The following RBFOX1 variants were observed in gnomAD, a reference collection of about 807,000 sequenced individuals.
RBFOX1 encodes RNA binding protein fox-1 homolog 1.
A neutral mutation model predicts 57.7 loss-of-function variants in RBFOX1; 8 were observed. The observed-to-expected ratio is 0.14, with a 90% CI of 0.08 to 0.25. The LOEUF (loss-of-function observed/expected upper bound fraction) is 0.25, where lower values mean the gene tolerates loss of function less well. Ranked by LOEUF, RBFOX1 falls within the 10% of genes least tolerant of loss-of-function variation. The pLI, the probability that RBFOX1 is intolerant of heterozygous loss-of-function variation, is 1.00. For missense variants in RBFOX1, 611 were observed against 548.5 expected (o/e 1.11, Z -1.14); for synonymous variants, 326 against 222.4 (o/e 1.47, Z -4.15).
downstream of RBFOX1, among the ~76,000 whole-genome samples, chr16:5,603,638 C>T (rs1286281712): frequency 6.6e-6 from 1 of 152,106 alleles, no homozygotes; most frequent in Non-Finnish European, 1.5e-5. Context: ...CCACACTTTC[C>T]TTGATTATTA....
chr16:5,789,953 CAGAT>C (rs1459832911), intron 3 of RBFOX1, among the ~76,000 whole-genome samples: 1 of 152,188 alleles, frequency 6.6e-6, no homozygotes, highest in Non-Finnish European at 1.5e-5. Context: ...GCTGCTATAA[CAGAT>C]AGACCTCTAC....
chr16:6,973,753 G>A (rs1317126849), intron 3 of RBFOX1, among the ~76,000 whole-genome samples: 1 of 152,134 alleles, frequency 6.6e-6, no homozygotes, highest in Non-Finnish European at 1.5e-5. Flanking sequence ...ACTGCACTGT[G>A]TTACCCATTA....
chr16:5,769,450 G>T (rs552757545), intron 3 of RBFOX1, among the ~76,000 whole-genome samples: 2 of 150,880 alleles, frequency 1.3e-5, no homozygotes, highest in African/African-American at 4.9e-5. Context: ...AAACCAGCCT[G>T]GCCAACATGA....
chr16:6,377,143 C>A (rs921936977), intron 2 of RBFOX1, among the ~76,000 whole-genome samples: 52 of 151,726 alleles, frequency 3.4e-4, no homozygotes, highest in African/African-American at 1.1e-3. Context: ...AGCACGGTGG[C>A]CTGTGCCTGT....
rs1216783540 is a variant in RBFOX1 at position 7,506,550 on chromosome 16, T to TCATCAC, written c.28-11587_28-11582dup. Among the ~76,000 whole-genome samples, 17 of 152,158 alleles carry TCATCAC rather than the reference T, an allele frequency of 1.1e-4. No homozygotes were observed. The South Asian group carries it at 3.3e-3, about 30-fold the overall frequency. ...TTCTTTTCCTCGTTACCAGACATCG[T>TCATCAC]CATCACCATCACCATTATTACCATC... On this transcript the variant is annotated intron_variant, in intron 4 of 15. Coordinates refer to ENST00000550418, the MANE Select transcript of RBFOX1 (RefSeq NM_018723.4).
chr16:6,362,351 T>C (rs1175284114), intron 2 of RBFOX1, among the ~76,000 whole-genome samples: 2 of 152,144 alleles, frequency 1.3e-5, no homozygotes, highest in African/African-American at 2.4e-5. Context: ...ATCTTACAAA[T>C]TTGATGATAC....
intron 2 of RBFOX1, among the ~76,000 whole-genome samples, chr16:5,537,520 GA>G (rs2151050841): frequency 6.6e-6 from 1 of 152,308 alleles, no homozygotes; most frequent in Admixed American, 6.5e-5. Context: ...CTGGAGGGGG[GA>G]ATCTGTTTCC....
chr16:6,394,605 T>G (rs947605036), intron 2 of RBFOX1, among the ~76,000 whole-genome samples: 1 of 151,826 alleles, frequency 6.6e-6, no homozygotes, highest in Non-Finnish European at 1.5e-5. Flanking sequence ...TCAAAGTAAC[T>G]TTCCTGGATA....
intron 1 of RBFOX1, among the ~76,000 whole-genome samples, chr16:5,242,060 G>T (rs1263439891): frequency 6.6e-6 from 1 of 152,114 alleles, no homozygotes; most frequent in Admixed American, 6.6e-5. Flanking sequence ...GCTGCAGTGA[G>T]CTGTCATCAT....
chr16:5,642,264 A>G (rs1474517569), intron 3 of RBFOX1, among the ~76,000 whole-genome samples: 1 of 152,232 alleles, frequency 6.6e-6, no homozygotes, highest in Non-Finnish European at 1.5e-5. Context: ...TAGCTGCTCA[A>G]ACTTGGGGCT....
chr16:7,351,297 A>T (rs956693317), intron 4 of RBFOX1, among the ~76,000 whole-genome samples: 1 of 152,238 alleles, frequency 6.6e-6, no homozygotes, highest in Non-Finnish European at 1.5e-5. Flanking sequence ...TTCTATGTCA[A>T]AGGGTAGTAG....
chr16:6,514,019 T>A (rs17140429), intron 2 of RBFOX1, among the ~76,000 whole-genome samples: 13,074 of 152,184 alleles, frequency 0.086, 660 homozygotes, highest in Middle Eastern at 0.13. Flanking sequence ...ATGTCCACCT[T>A]ACAGAGAATC....
intron 4 of RBFOX1, among the ~76,000 whole-genome samples, chr16:5,882,082 C>G (rs976366891): frequency 1.4e-4 from 22 of 152,194 alleles, no homozygotes; most frequent in African/African-American, 5.1e-4. Flanking sequence ...AGAATAGGAA[C>G]TAGGTTCAGA....
intron 1 of RBFOX1, among the ~76,000 whole-genome samples, chr16:6,199,042 G>A (rs760034148): frequency 3.3e-5 from 5 of 151,732 alleles, no homozygotes; most frequent in African/African-American, 4.8e-5. Flanking sequence ...AAGCAAATAG[G>A]TCACGTGTTT....
intron 5 of RBFOX1, among the ~76,000 whole-genome samples, chr16:7,560,094 C>T (rs2089948604): frequency 6.6e-6 from 1 of 152,216 alleles, no homozygotes; most frequent in South Asian, 2.1e-4. Context: ...CACACCCTTA[C>T]CCAGGTGACT....
intron 2 of RBFOX1, among the ~76,000 whole-genome samples, chr16:5,588,840 C>G (rs752016005): frequency 6.6e-6 from 1 of 152,174 alleles, no homozygotes; most frequent in Non-Finnish European, 1.5e-5. Flanking sequence ...CAGATGCCCA[C>G]ATGAGACAGG....
chr16:6,803,951 C>A (rs985440980), intron 3 of RBFOX1, among the ~76,000 whole-genome samples: 22 of 152,060 alleles, frequency 1.4e-4, no homozygotes, highest in Non-Finnish European at 2.4e-4. Context: ...CCCATAGTTT[C>A]CTAATATTTG....
intron 4 of RBFOX1, among the ~76,000 whole-genome samples, chr16:7,335,284 A>G (rs938560749): frequency 2.6e-5 from 4 of 152,134 alleles, no homozygotes; most frequent in African/African-American, 9.7e-5. Flanking sequence ...GAGGCAAAGT[A>G]TTTCCTCTAG....
intron 3 of RBFOX1, among the ~76,000 whole-genome samples, chr16:6,966,769 A>ATCTGTCTG (rs1442060716): frequency 4.0e-5 from 1 of 25,066 alleles, no homozygotes; most frequent in Non-Finnish European, 1.1e-4. Context: ...CTGTCTATCT[A>ATCTGTCTG]TCTATCTATC....
Sources: allele counts gnomAD v4.1 joint callset (sites outside exome capture counted in the v4.1 genomes callset), GRCh38; gene constraint gnomAD v4.1.1; transcripts MANE v1.5; gene names NCBI Gene and HGNC (gene_info 2026-07-23, HGNC 2026-07-21).